GPC6: variants seen among roughly 807,000 people sequenced by gnomAD.
GPC6 encodes the protein glypican-6.
In GPC6, 14 loss-of-function variants were observed where a neutral mutation model predicts 55.2. That is an observed-to-expected ratio of 0.25 (90% CI 0.17 to 0.40). The LOEUF (loss-of-function observed/expected upper bound fraction) is 0.40. Among genes scored for constraint, GPC6 ranks in the 10% least tolerant of loss-of-function variants. The pLI, the probability that GPC6 is intolerant of heterozygous loss-of-function variation, is 1.00. For missense variants in GPC6, 641 were observed against 708.5 expected (o/e 0.90, Z 1.08); for synonymous variants, 278 against 259.6 (o/e 1.07, Z -0.68).
intron 1 of GPC6, among the ~76,000 whole-genome samples, chr13:93,522,283 G>A (rs2590542): frequency 0.94 from 143,274 of 151,952 alleles, 68,108 homozygotes; most frequent in East Asian, 1. Flanking sequence ...TCCCATAGAA[G>A]CACAACTGAT....
upstream of GPC6, among the ~76,000 whole-genome samples, chr13:93,223,040 T>TTTTTTTTTTTTTC (rs1555335541): frequency 6.7e-6 from 1 of 148,652 alleles, no homozygotes; most frequent in African/African-American, 2.5e-5. Context: ...TTTTTTTTTT[T>TTTTTTTTTTTTTC]CAGAAATCTC....
intron 1 of GPC6, among the ~76,000 whole-genome samples, chr13:93,320,510 T>C (rs1333743386): frequency 7.2e-5 from 11 of 152,034 alleles, no homozygotes; most frequent in African/African-American, 2.4e-4. Flanking sequence ...CTGATAGATA[T>C]CTCAGAATTT....
chr13:93,366,633 T>C (rs1881259232), intron 1 of GPC6, among the ~76,000 whole-genome samples: 1 of 152,112 alleles, frequency 6.6e-6, no homozygotes, highest in Non-Finnish European at 1.5e-5. Flanking sequence ...AGTCTTGCAA[T>C]ACTTTTTGGG....
At chr13:93,619,102 C>G (rs138335254) in intron 2 of GPC6, among the ~76,000 whole-genome samples, 1 of 152,216 alleles carries the variant, frequency 6.6e-6, no homozygotes, top group East Asian at 1.9e-4. Context: ...TATGATCTGT[C>G]AATGACAGAA....
At chr13:94,379,326 G>T (rs545225217) in intron 6 of GPC6, among the ~76,000 whole-genome samples, 11 of 152,212 alleles carry the variant, frequency 7.2e-5, no homozygotes, top group African/African-American at 2.6e-4. Context: ...CAGTGTTTCC[G>T]TGCAGAATGT....
At chr13:93,660,417 G>T (rs1880874358) in intron 2 of GPC6, among the ~76,000 whole-genome samples, 1 of 152,122 alleles carries the variant, frequency 6.6e-6, no homozygotes, top group Non-Finnish European at 1.5e-5. Context: ...TTGTTGAGTT[G>T]CAGTGATTAA....
chr13:94,249,176 T>G (rs1891280126), intron 4 of GPC6, among the ~76,000 whole-genome samples: 1 of 152,138 alleles, frequency 6.6e-6, no homozygotes, highest in Non-Finnish European at 1.5e-5. Context: ...CCCTATAAAA[T>G]GTTCCCTTAA....
In GPC6 at chr13:93,772,291, A is replaced by G. The variant is rs141354437; in HGVS notation, c.320-57863A>G. Among the ~76,000 whole-genome samples, 725 of 152,216 alleles carry G rather than the reference A, an allele frequency of 4.8e-3. 5 individuals are homozygous for G. Among genetic ancestry groups the G allele is most frequent in the Middle Eastern group, 0.041 (12 of 294 alleles). On this transcript the variant is annotated intron_variant, in intron 2 of 8. Transcript: ENST00000377047. ...TAGGTTTACAGATGTCTGTGAGAAA[A>G]CACATCACCCTCTGTCAGGAAGGGT...
chr13:93,740,894 G>A (rs562631511), intron 2 of GPC6, among the ~76,000 whole-genome samples: 12 of 152,140 alleles, frequency 7.9e-5, no homozygotes, highest in East Asian at 3.9e-4. Flanking sequence ...AAACTATCTC[G>A]TTTAAAAGAG....
chr13:93,678,029 C>T (rs1288141732), intron 2 of GPC6, among the ~76,000 whole-genome samples: 1 of 152,058 alleles, frequency 6.6e-6, no homozygotes, highest in Non-Finnish European at 1.5e-5. Flanking sequence ...CAAAAATTTC[C>T]CAATTCTCAT....
chr13:94,032,919 A>G (rs1883195646), intron 4 of GPC6, among the ~76,000 whole-genome samples: 1 of 152,196 alleles, frequency 6.6e-6, no homozygotes, highest in Non-Finnish European at 1.5e-5. Context: ...AGTGGGCACT[A>G]TTCACTGATT....
chr13:93,919,890 G>C (rs1056918006), intron 3 of GPC6, among the ~76,000 whole-genome samples: 4 of 152,172 alleles, frequency 2.6e-5, no homozygotes, highest in African/African-American at 7.2e-5. Flanking sequence ...CTCTTTTCTT[G>C]CTGCGTAGAC....
rs537603670 is a variant in GPC6, at chr13:93,948,099, C to T, written c.712-79630C>T. Among the ~76,000 whole-genome samples the T allele has an allele frequency of 1.5e-4, 23 of 152,208 alleles. No individual in the cohort carries two copies. In the South Asian group the frequency reaches 4.4e-3, roughly 29 times the overall value. ...ATTAAGAAACAATAAAGTTACTCAT[C>T]AGTTACATAATTTTAACTTGTCCAG... On this transcript the variant is annotated intron_variant, in intron 3 of 8. Coordinates refer to ENST00000377047, the MANE Select transcript of GPC6 (RefSeq NM_005708.5).
chr13:93,830,210 C>G lies in GPC6; in HGVS notation c.376C>G (p.Arg126Gly). 6.2e-7 allele frequency: 1 copy of G among 1,606,924 alleles called. No individual in the cohort carries two copies. Among genetic ancestry groups the G allele is most frequent in the Non-Finnish European group, 8.5e-7 (1 of 1,175,428 alleles). Residue 126 changes from arginine to glycine, a missense_variant, in exon 3 of 9, where the codon CGG becomes GGG. Physicochemically the swap from Arg to Gly is moderately radical, Grantham distance 125. Coordinates refer to ENST00000377047, the MANE Select transcript of GPC6 (RefSeq NM_005708.5). The stretch of plus-strand genomic sequence containing the variant: ...AAAGTCACTAAATGATATGTTTGTA[C>G]GGACCTATGGCATGCTGTACATGCA... Reference protein sequence around the residue: ...AEKSLNDMFVRTYGMLYMQNS... With the variant: ...AEKSLNDMFVGTYGMLYMQNS...
intron 2 of GPC6, among the ~76,000 whole-genome samples, chr13:93,621,432 T>G (rs1249247829): frequency 6.6e-6 from 1 of 152,188 alleles, no homozygotes; most frequent in African/African-American, 2.4e-5. Context: ...TTATTAAATC[T>G]TGTGGTAGCC....
At chr13:93,336,788 T>C (rs898605641) in intron 1 of GPC6, among the ~76,000 whole-genome samples, 1 of 152,130 alleles carries the variant, frequency 6.6e-6, no homozygotes, top group African/African-American at 2.4e-5. Context: ...CTGTATGTGA[T>C]GGCCTTTCTC....
At chr13:93,217,240 A>G in the GPC6 span, among the ~76,000 whole-genome samples, 2 of 152,258 alleles carry the variant, frequency 1.3e-5, no homozygotes, top group Non-Finnish European at 1.5e-5. Context: ...AATTTACAAA[A>G]TAGTTTAAGT....
intron 4 of GPC6, among the ~76,000 whole-genome samples, chr13:94,167,973 A>C (rs113996443): frequency 0.026 from 4,012 of 152,272 alleles, 185 homozygotes; most frequent in African/African-American, 0.091. Flanking sequence ...ATTTATTCTC[A>C]CTATATCATA....
At chr13:94,051,199 T>C (rs932999187) in intron 4 of GPC6, among the ~76,000 whole-genome samples, 3 of 152,186 alleles carry the variant, frequency 2.0e-5, no homozygotes, top group Admixed American at 2.0e-4. Context: ...CCTTGATAAA[T>C]AGGATTGTTG....
Sources: gnomAD v4.1 joint callset for allele counts (sites outside exome capture counted in the v4.1 genomes callset) on GRCh38, gnomAD v4.1.1 for gene constraint, MANE v1.5 for transcripts, NCBI Gene and HGNC (gene_info 2026-07-23, HGNC 2026-07-21) for gene names.